FIS1: variants seen among roughly 807,000 people sequenced by gnomAD.
FIS1 encodes mitochondrial fission 1 protein.
A neutral mutation model predicts 21.6 loss-of-function variants in FIS1; 16 were observed. The ratio of observed to expected loss-of-function variants is 0.74; its 90% CI spans 0.50 to 1.12. FIS1 has a LOEUF of 1.12. Among genes scored for constraint, FIS1 ranks in the 50% most tolerant of loss-of-function variants. The pLI, the probability that FIS1 is intolerant of heterozygous loss-of-function variation, is 0.00. For synonymous variants in FIS1, 92 were observed against 82.2 expected, an observed-to-expected ratio of 1.12 and a Z score of -0.65; for missense variants, 198 against 190.9, an observed-to-expected ratio of 1.04 and a Z score of -0.22.
rs1798707259 is a variant in FIS1 at position 101,239,704 on chromosome 7, G to A, written c.*102C>T. 1 of 951,576 alleles carries A rather than the reference G, an allele frequency of 1.1e-6. No homozygotes were observed. Among genetic ancestry groups the A allele is most frequent in the Non-Finnish European group, 1.7e-6 (1 of 601,130 alleles). 58.9% of individuals were successfully genotyped at this position (951,576 alleles called of 1,614,324 possible). A position where few individuals can be genotyped will look rare whatever the true frequency, so the allele number is the denominator to read the frequency against. ...CTCAGGGGAGCAGAAATTAGCTGAAGGCCACAGAGGATAGAGACGGGGGGC... is the reference window on the plus strand; with the variant it reads ...CTCAGGGGAGCAGAAATTAGCTGAAAGCCACAGAGGATAGAGACGGGGGGC... On this transcript the variant is annotated 3_prime_UTR_variant, in exon 5 of 5. Transcript: ENST00000223136.
rs778566370 is a variant in FIS1 at position 101,239,507 on chromosome 7, C to T, written c.*299G>A. On this transcript the variant is annotated 3_prime_UTR_variant, in exon 5 of 5. Coordinates refer to ENST00000223136, the MANE Select transcript of FIS1 (RefSeq NM_016068.3). ...GGGCTGCGGGGTGGACAAAGAACCC[C>T]GTGCCAACCTGGAGGGCAGGGGCAG... 37 of 469,278 alleles carry T rather than the reference C, an allele frequency of 7.9e-5. No individual in the cohort carries two copies. Among genetic ancestry groups the T allele is most frequent in the Non-Finnish European group, 1.4e-4 (35 of 252,506 alleles). The allele number at this position is 469,278 out of a possible 1,614,324, so 29.1% of individuals were successfully genotyped here.
intron 2 of FIS1, among the ~76,000 whole-genome samples, chr7:101,242,537 G>A (rs990596344): frequency 6.8e-6 from 1 of 146,378 alleles, no homozygotes. Context: ...TGCCCAGGCT[G>A]GAGTGCAATG....
Position 101,239,756 on chromosome 7 carries a change from AGG to A in FIS1, c.*48_*49del, listed in dbSNP as rs867299321. 2 of 1,464,318 alleles carry A rather than the reference AGG, an allele frequency of 1.4e-6. No individual in the cohort carries two copies. The highest frequency in any genetic ancestry group is 1.9e-6 in the Non-Finnish European group (2 of 1,065,174). 90.7% of individuals were successfully genotyped at this position (1,464,318 alleles called of 1,614,324 possible). On this transcript the variant is annotated 3_prime_UTR_variant, in exon 5 of 5. Transcript: ENST00000223136. ...GGGGGAGAACAGGGAAAGGACAGCG[AGG>A]ATGGACAGGCCCTCCTGGAGCGTTC...
chr7:101,239,986 C>T, intron 4 of FIS1, 83 bp from the exon 5 acceptor site: 1 of 1,436,394 alleles, frequency 7.0e-7, no homozygotes. Context: ...TGCCCCTCAA[C>T]AGAGGCACAC....
At chr7:101,242,543 C>T (rs531757672) in intron 2 of FIS1, among the ~76,000 whole-genome samples, 37 of 143,296 alleles carry the variant, frequency 2.6e-4, no homozygotes, top group African/African-American at 9.2e-4. Context: ...GGCTGGAGTG[C>T]AATGGCGTGA....
chr7:101,242,345 A>G (rs189845517), intron 2 of FIS1, among the ~76,000 whole-genome samples: 146 of 152,350 alleles, frequency 9.6e-4, no homozygotes, highest in Non-Finnish European at 1.5e-3. Flanking sequence ...TGTTTTCTCA[A>G]CTAGACTGGC....
In FIS1 at chr7:101,239,930, G is replaced by A. The variant is rs1227156781; in HGVS notation, c.362-27C>T. The A allele has an allele frequency of 1.9e-6, 3 of 1,567,898 alleles. No individual in the cohort carries two copies. In the African/African-American group the frequency reaches 4.1e-5, roughly 21 times the overall value. On this transcript the variant is annotated intron_variant, in intron 4 of 4. Coordinates refer to ENST00000223136, the MANE Select transcript of FIS1 (RefSeq NM_016068.3). ...TGGGGAAGGAAAGGGACAGTGTCAG[G>A]AGCCCGGCCCCTGCGGAAACCCTGA...
At position 101,240,890 on chromosome 7, in the gene FIS1, C is replaced by T. The variant is rs761195778; in HGVS notation, c.195G>A (p.Gly65=). 6.8e-6 allele frequency: 11 copies of T among 1,614,040 alleles called. 1 individual carries two copies. The South Asian group carries it at 7.7e-5, about 11-fold the overall frequency. The change falls in exon 3 of 5, where the codon GGG becomes GGA. Residue 65 remains glycine, a synonymous_variant. Coordinates refer to ENST00000223136, the MANE Select transcript of FIS1 (RefSeq NM_016068.3). ...IVLLEELLPK[G]SKEEQRDYVF... is the part of the protein sequence containing the mutation. Reference sequence around the variant, plus strand: ...CGTAATCCCGCTGTTCCTCCTTGCTCCCTTTGGGCAGCAGCTCTGGGGAGG... The same window carrying T: ...CGTAATCCCGCTGTTCCTCCTTGCTTCCTTTGGGCAGCAGCTCTGGGGAGG...
At position 101,240,759 on chromosome 7, in the gene FIS1, ACCCT is replaced by A. The variant is rs1241444068; in HGVS notation, c.255+67_255+70del. 8 of 1,452,936 alleles carry A rather than the reference ACCCT, an allele frequency of 5.5e-6. No individual in the cohort carries two copies. In the African/African-American group the frequency reaches 8.4e-5, roughly 15 times the overall value. The allele number at this position is 1,452,936 out of a possible 1,614,324, so 90.0% of individuals were successfully genotyped here. ...CAGCCTTCCCGCTGTCCAGGGCTCC[ACCCT>A]GGAGGACACAGTAAGAAGGTCCTGC... On this transcript the variant is annotated intron_variant, in intron 3 of 4. Transcript: ENST00000223136.
At chr7:101,241,244 C>T (rs551859738) in intron 2 of FIS1, 3 of 250,716 alleles carry the variant, frequency 1.2e-5, no homozygotes, top group South Asian at 6.2e-5. Flanking sequence ...TTTTTTCAGA[C>T]GGAGTTTCAC....
chr7:101,244,224 C>T (rs1798784803), intron 1 of FIS1, 85 bp from the exon 2 acceptor site: 4 of 1,479,866 alleles, frequency 2.7e-6, no homozygotes, highest in Non-Finnish European at 3.6e-6. Context: ...CTGGCTCTGC[C>T]CCTTTCCCTC....
At chr7:101,242,432 GAC>G (rs1433658045) in intron 2 of FIS1, among the ~76,000 whole-genome samples, 1 of 151,506 alleles carries the variant, frequency 6.6e-6, no homozygotes, top group East Asian at 1.9e-4. Context: ...TGCCGAAGTA[GAC>G]AAACATAGGG....
chr7:101,239,520 A>G lies in FIS1; in HGVS notation c.*286T>C. 2.0e-6 allele frequency: 1 copy of G among 493,346 alleles called. No individual in the cohort carries two copies. The highest frequency in any genetic ancestry group is 3.7e-6 in the Non-Finnish European group (1 of 267,436). 30.6% of individuals were successfully genotyped at this position (493,346 alleles called of 1,614,324 possible). A position where few individuals can be genotyped will look rare whatever the true frequency, so the allele number is the denominator to read the frequency against. On this transcript the variant is annotated 3_prime_UTR_variant, in exon 5 of 5. Coordinates refer to ENST00000223136, the MANE Select transcript of FIS1 (RefSeq NM_016068.3). Reference sequence around the variant, plus strand: ...GACAAAGAACCCCGTGCCAACCTGGAGGGCAGGGGCAGGAGAGGACCAGGA... The same window carrying G: ...GACAAAGAACCCCGTGCCAACCTGGGGGGCAGGGGCAGGAGAGGACCAGGA...
chr7:101,241,762 C>T (rs1438074186), intron 2 of FIS1: 1 of 150,256 alleles, frequency 6.7e-6, no homozygotes, highest in East Asian at 2.0e-4. Flanking sequence ...GAGTTTGAGA[C>T]CAGCCTGACC....
chr7:101,239,926 T>C, intron 4 of FIS1, 23 bp from the exon 5 acceptor site: 1 of 1,575,254 alleles, frequency 6.3e-7, no homozygotes. Context: ...AGGGACAGTG[T>C]CAGGAGCCCG....
chr7:101,244,861 G>C lies in FIS1; in HGVS notation c.45+99C>G, dbSNP rs749373169. 19 of 1,492,586 alleles carry C rather than the reference G, an allele frequency of 1.3e-5. No homozygotes were observed. In the East Asian group the frequency reaches 1.4e-4, roughly 11 times the overall value. The allele number at this position is 1,492,586 out of a possible 1,614,324, so 92.5% of individuals were successfully genotyped here. A position where few individuals can be genotyped will look rare whatever the true frequency, so the allele number is the denominator to read the frequency against. On this transcript the variant is annotated intron_variant, in intron 1 of 4. Coordinates refer to ENST00000223136, the MANE Select transcript of FIS1 (RefSeq NM_016068.3). The stretch of plus-strand genomic sequence containing the variant: ...CGGGAGCCGTAGTTCGGCTTCCCTC[G>C]GCCAAGCCGATGCCGGGAGGAGGGT...
intron 4 of FIS1, 107 bp from the exon 5 acceptor site, chr7:101,240,010 C>A: frequency 1.4e-6 from 2 of 1,411,076 alleles, no homozygotes; most frequent in South Asian, 2.4e-5. Context: ...TACCTGGAGT[C>A]GCAGGGCAAG....
chr7:101,241,624 T>A (rs1299726747), intron 2 of FIS1: 2 of 149,640 alleles, frequency 1.3e-5, no homozygotes, highest in Non-Finnish European at 3.0e-5. Context: ...CCCACCTGAC[T>A]TTGTCTTCCT....
At position 101,244,927 on chromosome 7, in the gene FIS1, C is replaced by T. The variant is rs746107328; in HGVS notation, c.45+33G>A. Reference sequence around the variant, plus strand: ...CTCTCCTCAGGACCCGCCCTCCGACCTTCCCTTTCCCTCTGTCCGGGCCAG... The same window carrying T: ...CTCTCCTCAGGACCCGCCCTCCGACTTTCCCTTTCCCTCTGTCCGGGCCAG... On this transcript the variant is annotated intron_variant, in intron 1 of 4. Transcript: ENST00000223136. 13 of 1,613,616 alleles carry T rather than the reference C, an allele frequency of 8.1e-6. No individual in the cohort carries two copies. In the South Asian group the frequency reaches 1.3e-4, roughly 16 times the overall value.
Sources: allele counts gnomAD v4.1 joint callset (sites outside exome capture counted in the v4.1 genomes callset), GRCh38; gene constraint gnomAD v4.1.1; transcripts MANE v1.5; gene names NCBI Gene and HGNC (gene_info 2026-07-23, HGNC 2026-07-21).